EML4: variants seen among roughly 807,000 people sequenced by gnomAD.
EML4 encodes the protein EMAP like 4.
EML4 carries 72 observed loss-of-function variants against 129.0 expected under a neutral mutation model. That is an observed-to-expected ratio of 0.56 (90% confidence interval 0.46 to 0.68). EML4 has a LOEUF of 0.68. Among genes scored for constraint, EML4 ranks in the 30% least tolerant of loss-of-function variants. The pLI is 0.00. For synonymous variants in EML4, 532 were observed against 405.0 expected, an observed-to-expected ratio of 1.31 and a Z score of -3.77; for missense variants, 1,363 against 1,190.6, an observed-to-expected ratio of 1.14 and a Z score of -2.13.
intron 3 of EML4, among the ~76,000 whole-genome samples, chr2:42,257,836 CAAA>C (rs35916468): frequency 5.4e-5 from 6 of 110,696 alleles, no homozygotes; most frequent in Non-Finnish European, 3.6e-5. Context: ...GACTCCGTCT[CAAA>C]AAAAAAAAAA....
At chr2:42,293,321 C>CT (rs1278580996) in intron 11 of EML4, among the ~76,000 whole-genome samples, 2 of 152,064 alleles carry the variant, frequency 1.3e-5, no homozygotes, top group African/African-American at 2.4e-5. Context: ...CAGTTGATCT[C>CT]TAACTCCTGG....
intron 1 of EML4, among the ~76,000 whole-genome samples, chr2:42,233,678 A>G (rs1467902287): frequency 6.6e-6 from 1 of 152,210 alleles, no homozygotes; most frequent in Non-Finnish European, 1.5e-5. Flanking sequence ...AGTTAAGAAA[A>G]ATGATTCTCA....
intron 3 of EML4, among the ~76,000 whole-genome samples, chr2:42,258,523 C>G (rs1322389606): frequency 6.6e-6 from 1 of 152,052 alleles, no homozygotes; most frequent in East Asian, 1.9e-4. Flanking sequence ...GCTGCAGCAC[C>G]CGGAGTAGCT....
intron 8 of EML4, among the ~76,000 whole-genome samples, chr2:42,284,056 A>G (rs1488546379): frequency 1.3e-5 from 2 of 152,222 alleles, no homozygotes; most frequent in Admixed American, 6.5e-5. Flanking sequence ...ATGCTACGCT[A>G]CTTCCCATTT....
intron 1 of EML4, among the ~76,000 whole-genome samples, chr2:42,173,347 A>G (rs560817527): frequency 6.6e-6 from 1 of 152,188 alleles, no homozygotes; most frequent in African/African-American, 2.4e-5. Flanking sequence ...TGAAGAGTTC[A>G]AGATAGACTC....
At chr2:42,175,489 A>G (rs766899271) in intron 1 of EML4, among the ~76,000 whole-genome samples, 24 of 150,826 alleles carry the variant, frequency 1.6e-4, no homozygotes, top group Non-Finnish European at 3.0e-4. Flanking sequence ...TTGTATCTAT[A>G]TTATTTTTAT....
At chr2:42,270,876 C>T (rs761145268) in intron 6 of EML4, among the ~76,000 whole-genome samples, 7 of 152,186 alleles carry the variant, frequency 4.6e-5, no homozygotes, top group Non-Finnish European at 5.9e-5. Context: ...GAGACACATA[C>T]TTAATTCTAA....
Position 42,332,022 on chromosome 2 carries a change from T to G in EML4, c.*1815T>G, listed in dbSNP as rs565101984. The G allele has an allele frequency of 9.0e-6, 2 of 222,632 alleles. No individual in the cohort carries two copies. Among genetic ancestry groups the G allele is most frequent in the East Asian group, 1.3e-4 (2 of 15,232 alleles). 13.8% of individuals were successfully genotyped at this position (222,632 alleles called of 1,614,324 possible). On this transcript the variant is annotated 3_prime_UTR_variant, in exon 23 of 23. Coordinates refer to ENST00000318522, the MANE Select transcript of EML4 (RefSeq NM_019063.5). ...AGTATGTATGTTCTGTACATACTTATCGGAGCGCGCCAGTAAGTATCAGGC... is the reference window on the plus strand; with the variant it reads ...AGTATGTATGTTCTGTACATACTTAGCGGAGCGCGCCAGTAAGTATCAGGC...
At chr2:42,302,678 C>T (rs13429697) in intron 14 of EML4, among the ~76,000 whole-genome samples, 18,827 of 151,850 alleles carry the variant, frequency 0.12, 1,175 homozygotes, top group East Asian at 0.18. Context: ...GGATTATAGG[C>T]GCCCGCCACC....
intron 1 of EML4, among the ~76,000 whole-genome samples, chr2:42,190,414 T>C (rs1671518300): frequency 6.6e-6 from 1 of 152,128 alleles, no homozygotes; most frequent in Non-Finnish European, 1.5e-5. Flanking sequence ...CCTATGGATG[T>C]GCTTGATGAA....
intron 2 of EML4, among the ~76,000 whole-genome samples, chr2:42,254,587 C>T (rs1675998000): frequency 6.7e-6 from 1 of 148,870 alleles, no homozygotes; most frequent in South Asian, 2.1e-4. Context: ...GAAACCAAAA[C>T]TTATGAGGTA....
chr2:42,323,965 A>C (rs1669657698), intron 19 of EML4, among the ~76,000 whole-genome samples: 1 of 150,298 alleles, frequency 6.7e-6, no homozygotes, highest in African/African-American at 2.5e-5. Context: ...AAAGAAAAGA[A>C]AAAGAAAAAG....
intron 6 of EML4, among the ~76,000 whole-genome samples, chr2:42,277,600 C>G (rs1157054428): frequency 1.4e-5 from 2 of 145,826 alleles, no homozygotes; most frequent in African/African-American, 5.2e-5. Context: ...GACGGAGTCT[C>G]ACTCTGTCGC....
intron 9 of EML4, among the ~76,000 whole-genome samples, chr2:42,285,138 G>A (rs1241414225): frequency 2.6e-5 from 4 of 151,892 alleles, no homozygotes; most frequent in Admixed American, 6.6e-5. Flanking sequence ...CAAACTCCTG[G>A]GCTCAAGTGA....
At position 42,312,006 on chromosome 2, in the gene EML4, G is replaced by A. The variant is rs567783062; in HGVS notation, c.1968-3956G>A. Among the ~76,000 whole-genome samples the A allele has an allele frequency of 1.6e-4, 25 of 152,170 alleles. 1 individual carries two copies. The highest frequency in any genetic ancestry group is 6.8e-3 in the Middle Eastern group (2 of 294). ...ATTGCAGACATGAGGCACCATGCCCGGCCTTCCTATGCACTTTTTGAAATG... is the reference window on the plus strand; with the variant it reads ...ATTGCAGACATGAGGCACCATGCCCAGCCTTCCTATGCACTTTTTGAAATG... On this transcript the variant is annotated intron_variant, in intron 17 of 22. Coordinates refer to ENST00000318522, the MANE Select transcript of EML4 (RefSeq NM_019063.5).
chr2:42,278,528 C>T (rs1346409738), intron 6 of EML4, among the ~76,000 whole-genome samples: 1 of 128,620 alleles, frequency 7.8e-6, no homozygotes, highest in African/African-American at 3.0e-5. Flanking sequence ...GAGCCGAGCT[C>T]ATGCGACTGC....
chr2:42,307,182 T>C (rs1482452204), intron 17 of EML4, among the ~76,000 whole-genome samples: 1 of 152,194 alleles, frequency 6.6e-6, no homozygotes, highest in East Asian at 1.9e-4. Context: ...ACGGCCCCAA[T>C]TTGTAGGGAA....
intron 19 of EML4, among the ~76,000 whole-genome samples, chr2:42,321,421 A>C (rs1459689645): frequency 6.6e-6 from 1 of 152,092 alleles, no homozygotes; most frequent in Non-Finnish European, 1.5e-5. Context: ...ACTTGAACAC[A>C]TCAGGGATAT....
At chr2:42,253,816 A>G (rs540405436) in intron 2 of EML4, among the ~76,000 whole-genome samples, 2 of 152,356 alleles carry the variant, frequency 1.3e-5, no homozygotes, top group Non-Finnish European at 2.9e-5. Context: ...TGTAAGGGCT[A>G]AAACTTATGT....
Sources: allele counts gnomAD v4.1 joint callset (sites outside exome capture counted in the v4.1 genomes callset), GRCh38; gene constraint gnomAD v4.1.1; transcripts MANE v1.5; gene names NCBI Gene and HGNC (gene_info 2026-07-23, HGNC 2026-07-21).